Variants in BRCA1 observed in about 807,000 individuals in gnomAD.
The protein encoded by BRCA1 is breast cancer type 1 susceptibility protein.
Under a neutral mutation model 173.7 loss-of-function variants are expected in BRCA1, and 140 were observed. That is an observed-to-expected ratio of 0.81 (90% CI 0.70 to 0.93). BRCA1 has a LOEUF of 0.93. BRCA1 is among the 40% of genes least tolerant of loss of function. The pLI is 0.00. For missense variants in BRCA1, 1,983 were observed against 2,172.5 expected (o/e 0.91, Z 1.73); for synonymous variants, 662 against 756.0 (o/e 0.88, Z 2.04).
At chr17:43,051,854 CT>C (rs1167144364) in intron 19 of BRCA1, among the ~76,000 whole-genome samples, 4 of 152,140 alleles carry the variant, frequency 2.6e-5, no homozygotes, top group African/African-American at 9.7e-5. Flanking sequence ...TCAGGCTGGT[CT>C]CGAACTCCTG....
chr17:43,096,393 A>AAAAAAAAAAAAG (rs1555593762), intron 8 of BRCA1, among the ~76,000 whole-genome samples: 4 of 149,786 alleles, frequency 2.7e-5, no homozygotes, highest in East Asian at 3.9e-4. Flanking sequence ...AAAAAAAAAA[A>AAAAAAAAAAAAG]AGAGAGAAAG....
In BRCA1 at chr17:43,082,676, A is replaced by C. The variant is rs8176183; in HGVS notation, c.4186-101T>G. ...AAATTAATTTTAGCACAGGAATTGA[A>C]ATCACCTAGTATGGAACTACAAGTT... is the stretch of plus-strand genomic sequence containing the variant. On this transcript the variant is annotated intron_variant, in intron 11 of 22. Transcript: ENST00000357654. 9.9e-5 allele frequency: 129 copies of C among 1,302,234 alleles called. No homozygotes were observed. The African/African-American group carries it at 1.7e-3, about 17-fold the overall frequency. The allele number at this position is 1,302,234 out of a possible 1,614,324, so 80.7% of individuals were successfully genotyped here.
At chr17:43,109,154 G>T (rs1471959621) in intron 3 of BRCA1, among the ~76,000 whole-genome samples, 1 of 151,736 alleles carries the variant, frequency 6.6e-6, no homozygotes, top group Non-Finnish European at 1.5e-5. Flanking sequence ...CCATTGCGCT[G>T]GGCTACTTTC....
At position 43,123,550 on chromosome 17, in the gene BRCA1, A is replaced by G. The variant is rs1029832417; in HGVS notation, c.80+467T>C. ...TTTTTAGTGGAGAGGGGGTTTCACC[A>G]TGTTGGCCAGGATGGTCTCGATCTC... On this transcript the variant is annotated intron_variant, in intron 2 of 22. Coordinates refer to ENST00000357654, the MANE Select transcript of BRCA1 (RefSeq NM_007294.4). 2.6e-5 allele frequency among the ~76,000 whole-genome samples: 4 copies of G among 152,126 alleles called. No individual in the cohort carries two copies. In the East Asian group the frequency reaches 7.7e-4, roughly 29 times the overall value.
chr17:43,153,584 A>G (rs2056177251), intron 1 of BRCA1: 1 of 152,078 alleles, frequency 6.6e-6, no homozygotes, highest in Non-Finnish European at 1.5e-5. Flanking sequence ...TTAAAAGGTA[A>G]CTTAACTCTT....
At position 43,045,806 on chromosome 17, in the gene BRCA1, G is replaced by T. The variant is rs763484977; in HGVS notation, c.5468-4C>A. The T allele has an allele frequency of 6.2e-7, 1 of 1,613,946 alleles. No individual in the cohort carries two copies. The highest frequency in any genetic ancestry group is 1.3e-5 in the African/African-American group (1 of 74,906). ...GCCTCACACATCTGCCCAATTGCTG[G>T]AGACAGAGAACACAAGCAGAGATTA... On this transcript the variant is annotated splice_region_variant and splice_polypyrimidine_tract_variant and intron_variant, in intron 22 of 22. Transcript: ENST00000357654.
intron 3 of BRCA1, chr17:43,110,601 AAAAG>A: frequency 2.5e-6 from 1 of 403,898 alleles, no homozygotes; most frequent in Admixed American, 3.1e-5. Context: ...AAAAAAAAAA[AAAAG>A]TAGCTGTTGA....
At chr17:43,166,568 G>C (rs1027104011) in intron 1 of BRCA1, 1 of 152,090 alleles carries the variant, frequency 6.6e-6, no homozygotes, top group Non-Finnish European at 1.5e-5. Flanking sequence ...TGTCAACATA[G>C]TTCCTAGTGG....
intron 3 of BRCA1, 81 bp downstream of exon 3, chr17:43,115,645 C>T (rs896561812): frequency 1.9e-5 from 25 of 1,350,028 alleles, no homozygotes; most frequent in East Asian, 7.2e-5. Flanking sequence ...AGTAAAGCTT[C>T]TATAAAGTTA....
intron 2 of BRCA1, among the ~76,000 whole-genome samples, chr17:43,120,445 A>G (rs1272446296): frequency 6.6e-6 from 1 of 152,252 alleles, no homozygotes; most frequent in Non-Finnish European, 1.5e-5. Context: ...AGAACTTTCC[A>G]TACAAATGAA....
At chr17:43,083,792 T>A (rs1199074867) in intron 11 of BRCA1, among the ~76,000 whole-genome samples, 1 of 152,218 alleles carries the variant, frequency 6.6e-6, no homozygotes, top group Non-Finnish European at 1.5e-5. Context: ...GTGTGCTAAG[T>A]CCAAGTATTT....
In BRCA1 at chr17:43,137,433, TA is replaced by T. The variant is rs112877653; in HGVS notation, c.-19-13319del. On this transcript the variant is annotated intron_variant, in intron 1 of 7. Coordinates refer to the BRCA1 transcript ENST00000634433. ...CTAGACCTTAAAGTATAATAATAAT[TA>T]AAAAAAAAAAAAGAATAAAAGAGGT... Among the ~76,000 whole-genome samples the T allele has an allele frequency of 8.8e-3, 1,244 of 140,668 alleles. 4 individuals carry two copies. Among genetic ancestry groups the T allele is most frequent in the Non-Finnish European group, 0.012 (737 of 63,876 alleles). The allele number at this position is 140,668 out of a possible 152,430, so 92.3% of individuals were successfully genotyped here. A position where few individuals can be genotyped will look rare whatever the true frequency, so the allele number is the denominator to read the frequency against.
chr17:43,100,678 A>AATATAT (rs56679756), intron 6 of BRCA1, among the ~76,000 whole-genome samples: 4 of 36,280 alleles, frequency 1.1e-4, no homozygotes, highest in Non-Finnish European at 8.9e-5. Context: ...ATATATATAT[A>AATATAT]ATATATATAT....
In BRCA1 at chr17:43,067,836, A is replaced by ATTT. The variant is rs11421283; in HGVS notation, c.4987-144_4987-142dup. The ATTT allele has an allele frequency of 0.035, 7,566 of 213,678 alleles. 53 individuals are homozygous for ATTT. The highest frequency in any genetic ancestry group is 0.087 in the South Asian group (1,880 of 21,580). 13.2% of individuals were successfully genotyped at this position (213,678 alleles called of 1,614,324 possible). On this transcript the variant is annotated intron_variant, in intron 15 of 22. Coordinates refer to ENST00000357654, the MANE Select transcript of BRCA1 (RefSeq NM_007294.4). ...CGTGTCCTGGAACTATTTAAAGTGA[A>ATTT]TTTTTTTTTTTTTTTTTTTAGACAG...
intron 16 of BRCA1, 84 bp from the exon 17 acceptor site, chr17:43,064,035 T>C (rs540305323): frequency 1.8e-5 from 20 of 1,124,844 alleles, no homozygotes; most frequent in Non-Finnish European, 2.7e-5. Context: ...GAGCCTCAGT[T>C]TTTTACACTC....
rs549040134 is a variant in BRCA1, at chr17:43,157,220, A to C, written c.-20+12906T>G. ...GAAGGAATTTTAGGTCAAGAAACCT[A>C]AAACAGGCTGAAAAACTTACCTACC... On this transcript the variant is annotated intron_variant, in intron 1 of 7. Coordinates refer to the BRCA1 transcript ENST00000634433. Among the ~76,000 whole-genome samples the C allele has an allele frequency of 3.9e-5, 6 of 152,374 alleles. No individual in the cohort carries two copies. The South Asian group carries it at 1.2e-3, about 32-fold the overall frequency.
rs890204916 is a variant in BRCA1, at chr17:43,075,553, G to GCT, written c.4484+933_4484+934dup. On this transcript the variant is annotated intron_variant, in intron 13 of 22. Transcript: ENST00000357654. ...GAAGATGGGTGAGACCTGAATTACT[G>GCT]CTCTCTCTCTCTTTTTTTTTTTGTT... is the stretch of plus-strand genomic sequence containing the variant. Among the ~76,000 whole-genome samples, 22 of 151,956 alleles carry GCT rather than the reference G, an allele frequency of 1.4e-4. No individual in the cohort carries two copies. The East Asian group carries it at 3.9e-3, about 27-fold the overall frequency.
chr17:43,104,735 G>C (rs1264275861), intron 5 of BRCA1, 133 bp downstream of exon 5: 1 of 782,628 alleles, frequency 1.3e-6, no homozygotes, highest in East Asian at 2.6e-5. Context: ...TTTAAAAATA[G>C]ATTACAGATA....
At chr17:43,114,225 A>T (rs1341428026) in intron 3 of BRCA1, among the ~76,000 whole-genome samples, 2 of 152,110 alleles carry the variant, frequency 1.3e-5, no homozygotes, top group African/African-American at 2.4e-5. Flanking sequence ...GAGCTACCAC[A>T]CTGGGCCCTT....
Sources: gnomAD v4.1 joint callset for allele counts (sites outside exome capture counted in the v4.1 genomes callset) on GRCh38, gnomAD v4.1.1 for gene constraint, MANE v1.5 for transcripts, NCBI Gene and HGNC (gene_info 2026-07-23, HGNC 2026-07-21) for gene names.